Variants in ASB5 observed in about 807,000 individuals in gnomAD.
ASB5 encodes the protein ankyrin repeat and SOCS box protein 5.
Under a neutral mutation model 42.1 loss-of-function variants are expected in ASB5, and 45 were observed. The observed-to-expected ratio is 1.07, with a 90% confidence interval of 0.84 to 1.37. ASB5 has a LOEUF of 1.37. Among genes scored for constraint, ASB5 ranks in the 40% most tolerant of loss-of-function variants. The probability of loss-of-function intolerance (pLI) is 0.00; values close to 1 mark genes in which losing one functional copy is unlikely to be tolerated. For synonymous variants in ASB5, 147 were observed against 150.6 expected (o/e 0.98, Z 0.18); for missense variants, 402 against 399.8 (o/e 1.01, Z -0.05).
At chr4:176,245,283 G>A (rs373068040) in intron 1 of ASB5, among the ~76,000 whole-genome samples, 6 of 152,176 alleles carry the variant, frequency 3.9e-5, no homozygotes. Context: ...GCAGCCAACA[G>A]ACACATGAAA....
At chr4:176,243,181 G>A (rs72706402) in intron 1 of ASB5, among the ~76,000 whole-genome samples, 19,080 of 152,120 alleles carry the variant, frequency 0.13, 1,608 homozygotes, top group Admixed American at 0.19. Flanking sequence ...AATTTACTGA[G>A]ACATACTTTA....
intron 1 of ASB5, among the ~76,000 whole-genome samples, chr4:176,236,703 T>C (rs1237009840): frequency 6.6e-6 from 1 of 152,236 alleles, no homozygotes; most frequent in South Asian, 2.1e-4. Context: ...ATTTTCTCTC[T>C]GAATCTGCAT....
At chr4:176,268,311 C>A (rs1754398324) in intron 1 of ASB5, among the ~76,000 whole-genome samples, 1 of 152,146 alleles carries the variant, frequency 6.6e-6, no homozygotes, top group Non-Finnish European at 1.5e-5. Flanking sequence ...AATTATGTTT[C>A]TATCCTTTTA....
At chr4:176,243,751 G>A (rs1051643344) in intron 1 of ASB5, among the ~76,000 whole-genome samples, 1 of 152,036 alleles carries the variant, frequency 6.6e-6, no homozygotes, top group Admixed American at 6.6e-5. Context: ...CAATCTGCCT[G>A]CCTTGGCCTC....
At chr4:176,242,749 TC>T (rs1247143705) in intron 1 of ASB5, among the ~76,000 whole-genome samples, 2 of 152,224 alleles carry the variant, frequency 1.3e-5, no homozygotes, top group Non-Finnish European at 2.9e-5. Context: ...TTTCTTATTT[TC>T]TTCATCAATT....
chr4:176,253,571 G>GAATA (rs1754086910), intron 1 of ASB5, among the ~76,000 whole-genome samples: 2 of 152,156 alleles, frequency 1.3e-5, no homozygotes, highest in Non-Finnish European at 2.9e-5. Flanking sequence ...AGAAATAAAA[G>GAATA]GCATCCAAAT....
intron 1 of ASB5, among the ~76,000 whole-genome samples, chr4:176,248,779 A>G (rs1009634766): frequency 6.6e-6 from 1 of 152,222 alleles, no homozygotes; most frequent in Non-Finnish European, 1.5e-5. Context: ...AGGTTAAACC[A>G]TATCAATATG....
chr4:176,251,028 G>C (rs1754021476), intron 1 of ASB5, among the ~76,000 whole-genome samples: 1 of 152,044 alleles, frequency 6.6e-6, no homozygotes, highest in Non-Finnish European at 1.5e-5. Context: ...TCAACAATCT[G>C]TGTTCTCTAG....
intron 1 of ASB5, among the ~76,000 whole-genome samples, chr4:176,258,968 G>T (rs75111687): frequency 0.023 from 3,540 of 151,874 alleles, 66 homozygotes; most frequent in Non-Finnish European, 0.035. Context: ...TTCAGTAAAG[G>T]TTTTTTTTCT....
At chr4:176,228,190 A>T (rs1379328436) in intron 1 of ASB5, among the ~76,000 whole-genome samples, 1 of 152,154 alleles carries the variant, frequency 6.6e-6, no homozygotes, top group Non-Finnish European at 1.5e-5. Context: ...ATAGTCAGGG[A>T]ATTTCTATTG....
intron 3 of ASB5, 36 bp downstream of exon 3, chr4:176,222,277 A>T (rs1249431110): frequency 2.0e-6 from 3 of 1,528,914 alleles, no homozygotes; most frequent in Non-Finnish European, 2.7e-6. Flanking sequence ...CTCCGTCAGT[A>T]GATGTTAAAT....
chr4:176,217,004 C>T lies in ASB5; in HGVS notation c.676G>A (p.Asp226Asn), dbSNP rs1752990026. ...CIWKLLYAGA[D>N]VQKGKYWDTP... ...TCCCAATATTTGCCTTTCTGTACGT[C>T]AGCACCTACATGTAATACGGAGTGA... The change falls in exon 6 of 7, where the codon GAC (aspartate) becomes AAC (asparagine). Residue 226 changes from aspartate to asparagine, a missense_variant. Physicochemically the swap from Asp to Asn is conservative, Grantham distance 23. Coordinates refer to ENST00000296525, the MANE Select transcript of ASB5 (RefSeq NM_080874.4). 2 of 1,601,724 alleles carry T rather than the reference C, an allele frequency of 1.2e-6. No individual in the cohort carries two copies. Among genetic ancestry groups the T allele is most frequent in the Non-Finnish European group, 1.7e-6 (2 of 1,174,684 alleles).
At chr4:176,217,763 C>T (rs901290029) in intron 5 of ASB5, among the ~76,000 whole-genome samples, 4 of 152,038 alleles carry the variant, frequency 2.6e-5, no homozygotes, top group African/African-American at 9.7e-5. Flanking sequence ...CTGTTTAGTA[C>T]TGTTAAAAAT....
At chr4:176,267,552 A>G (rs1424142973) in intron 1 of ASB5, among the ~76,000 whole-genome samples, 2 of 152,040 alleles carry the variant, frequency 1.3e-5, no homozygotes, top group Non-Finnish European at 2.9e-5. Context: ...GAGTTCAAGG[A>G]TGCAGTGAGA....
intron 5 of ASB5, 121 bp from the exon 6 acceptor site, chr4:176,217,130 T>C: frequency 1.3e-6 from 1 of 754,858 alleles, no homozygotes; most frequent in South Asian, 1.9e-5. Context: ...TTCAACTCTA[T>C]TTGTTATGAG....
chr4:176,222,224 G>A lies in ASB5; in HGVS notation c.384+89C>T, dbSNP rs1049745154. On this transcript the variant is annotated intron_variant, in intron 3 of 6. Transcript: ENST00000296525. The stretch of plus-strand genomic sequence containing the variant: ...TTCTGCTATTTTTGAAAACTACCGA[G>A]AATGAAGGAAAGAAAAGTAAAATGA... 10 of 1,201,194 alleles carry A rather than the reference G, an allele frequency of 8.3e-6. No homozygotes were observed. The African/African-American group carries it at 1.4e-4, about 17-fold the overall frequency. The allele number at this position is 1,201,194 out of a possible 1,614,324, so 74.4% of individuals were successfully genotyped here. A position where few individuals can be genotyped will look rare whatever the true frequency, so the allele number is the denominator to read the frequency against.
chr4:176,219,187 TATAAATATATATATTTGTATGACAG>T lies in ASB5; in HGVS notation c.670+1943_670+1967del, dbSNP rs1561250776. Among the ~76,000 whole-genome samples the T allele has an allele frequency of 2.0e-3, 242 of 120,562 alleles. 1 individual carries two copies. The highest frequency in any genetic ancestry group is 5.9e-3 in the African/African-American group (174 of 29,586). The allele number at this position is 120,562 out of a possible 152,430, so 79.1% of individuals were successfully genotyped here. A position where few individuals can be genotyped will look rare whatever the true frequency, so the allele number is the denominator to read the frequency against. ...CATATAAATATATATTTGTATGACA[TATAAATATATATATTTGTATGACAG>T]ATAAATATATATATTTGTATGATAT... On this transcript the variant is annotated intron_variant, in intron 5 of 6. Transcript: ENST00000296525.
At chr4:176,244,629 G>T (rs1316729389) in intron 1 of ASB5, among the ~76,000 whole-genome samples, 1 of 152,068 alleles carries the variant, frequency 6.6e-6, no homozygotes. Context: ...TGACCCAGGG[G>T]TTGGGCCTGG....
Position 176,268,984 on chromosome 4 carries a change from T to C in ASB5, c.125A>G (p.Tyr42Cys), listed in dbSNP as rs1172428206. The C allele has an allele frequency of 6.2e-7, 1 of 1,613,606 alleles. No homozygotes were observed. The highest frequency in any genetic ancestry group is 1.1e-5 in the South Asian group (1 of 91,048). ...TTCCTTGCGGTTGCCTTTCACTATGTAGAAATGACTGAGGATGGCAAGGCT... is the reference window on the plus strand; with the variant it reads ...TTCCTTGCGGTTGCCTTTCACTATGCAGAAATGACTGAGGATGGCAAGGCT... ...KISLAILSHF[Y>C]IVKGNRKEAA... Residue 42 changes from tyrosine to cysteine, a missense_variant, in exon 1 of 7, where the codon TAC (tyrosine) becomes TGC (cysteine). By Grantham distance (194) the Tyr-to-Cys change is radical. Coordinates refer to ENST00000296525, the MANE Select transcript of ASB5 (RefSeq NM_080874.4).
Sources: gnomAD v4.1 joint callset for allele counts (sites outside exome capture counted in the v4.1 genomes callset) on GRCh38, gnomAD v4.1.1 for gene constraint, MANE v1.5 for transcripts, NCBI Gene and HGNC (gene_info 2026-07-23, HGNC 2026-07-21) for gene names.